Variants in ZNF665 observed in about 807,000 individuals in gnomAD.
The protein encoded by ZNF665 is zinc finger protein 665.
A neutral mutation model predicts 7.9 loss-of-function variants in ZNF665; 6 were observed. That is an observed-to-expected ratio of 0.76 (90% CI 0.42 to 1.50). The LOEUF is 1.50. ZNF665 is among the 40% of genes most tolerant of loss of function. The pLI, the probability that ZNF665 is intolerant of heterozygous loss-of-function variation, is 0.01. For synonymous variants in ZNF665, 242 were observed against 274.5 expected, an observed-to-expected ratio of 0.88 and a Z score of 1.17; for missense variants, 819 against 806.7, an observed-to-expected ratio of 1.02 and a Z score of -0.18.
intron 1 of ZNF665, 29 bp from the exon 2 acceptor site, chr19:53,182,972 T>A (rs1334006687): frequency 6.3e-7 from 1 of 1,586,548 alleles, no homozygotes; most frequent in Non-Finnish European, 8.6e-7. Flanking sequence ...GACTTTAGAA[T>A]TCAATCCTGA....
chr19:53,173,372 C>CTT (rs34425717), intron 3 of ZNF665, among the ~76,000 whole-genome samples: 1,749 of 78,878 alleles, frequency 0.022, 116 homozygotes, highest in African/African-American at 0.05. Context: ...TTTTTTCACT[C>CTT]TTTTTTTTTT....
chr19:53,187,055 A>AC (rs1395911663), intron 1 of ZNF665, among the ~76,000 whole-genome samples: 2 of 18,330 alleles, frequency 1.1e-4, no homozygotes, highest in African/African-American at 5.7e-4. Context: ...CGGGGGGCTG[A>AC]TCCCCCCACC....
chr19:53,180,837 A>AT (rs550732180), intron 2 of ZNF665: 5 of 152,224 alleles, frequency 3.3e-5, no homozygotes, highest in East Asian at 3.9e-4. Flanking sequence ...TACAGATACC[A>AT]TTTTTTTCCA....
chr19:53,166,435 AG>A, intron 3 of ZNF665, 88 bp from the exon 4 acceptor site: 3 of 1,190,790 alleles, frequency 2.5e-6, no homozygotes, highest in Non-Finnish European at 3.5e-6. Context: ...TTACACCAAA[AG>A]TAATAGTTAT....
chr19:53,189,919 C>T (rs1305872032), intron 1 of ZNF665, among the ~76,000 whole-genome samples: 5 of 152,242 alleles, frequency 3.3e-5, no homozygotes, highest in African/African-American at 1.2e-4. Context: ...CTCCGGTGGC[C>T]CTGTCCGGGC....
chr19:53,185,639 C>T (rs1291929521), intron 1 of ZNF665, among the ~76,000 whole-genome samples: 16 of 152,032 alleles, frequency 1.1e-4, no homozygotes, highest in Admixed American at 9.8e-4. Context: ...TGGGTGTGGA[C>T]AGGAACCAAG....
Position 53,165,602 on chromosome 19 carries a change from G to A in ZNF665, c.888C>T (p.Gly296=), listed in dbSNP as rs2090605557. ...GGTGTGAATTTTGAGTGAAGCACTTGCCACATTCCTTACATTTGTAAGGTT... is the reference window on the plus strand; with the variant it reads ...GGTGTGAATTTTGAGTGAAGCACTTACCACATTCCTTACATTTGTAAGGTT... ...GEKPYKCKEC[G]KCFTQNSHLA... is the part of the protein sequence containing the mutation. Residue 296 remains glycine (G), a synonymous_variant, in exon 4 of 4, where the codon GGC becomes GGT. Transcript: ENST00000396424. The A allele has an allele frequency of 6.2e-7, 1 of 1,613,834 alleles. No individual in the cohort carries two copies. The highest frequency in any genetic ancestry group is 1.3e-5 in the African/African-American group (1 of 74,936).
rs913689935 is a variant in ZNF665 at position 53,167,785 on chromosome 19, G to A, written c.143-1438C>T. 2.0e-4 allele frequency among the ~76,000 whole-genome samples: 30 copies of A among 148,504 alleles called. 1 individual carries two copies. Among genetic ancestry groups the A allele is most frequent in the African/African-American group, 6.6e-4 (27 of 40,732 alleles). ...AGAAAAGAGGAGTCTGCCGGGCGCCGGTGGCTCCCGCCTGTAATCCCAGCA... is the reference window on the plus strand; with the variant it reads ...AGAAAAGAGGAGTCTGCCGGGCGCCAGTGGCTCCCGCCTGTAATCCCAGCA... On this transcript the variant is annotated intron_variant, in intron 3 of 3. Transcript: ENST00000396424.
chr19:53,167,884 G>A (rs188258201), intron 3 of ZNF665, among the ~76,000 whole-genome samples: 2 of 148,564 alleles, frequency 1.3e-5, no homozygotes, highest in African/African-American at 2.4e-5. Context: ...ATGAAACCCC[G>A]TCTCTACTAA....
At chr19:53,177,423 C>G (rs144917428) in intron 2 of ZNF665, among the ~76,000 whole-genome samples, 7 of 151,806 alleles carry the variant, frequency 4.6e-5, no homozygotes, top group African/African-American at 1.5e-4. Context: ...CACAGTGAAA[C>G]GCTGTCTCTA....
rs2090615223 is a variant in ZNF665, at chr19:53,166,290, C to T, written c.200G>A (p.Gly67Glu). The T allele has an allele frequency of 6.2e-7, 1 of 1,609,310 alleles. No homozygotes were observed. The highest frequency in any genetic ancestry group is 8.5e-7 in the Non-Finnish European group (1 of 1,178,324). Residue 67 changes from glycine to glutamate, a missense_variant, in exon 4 of 4, where the codon GGA becomes GAA. Gly to Glu is a moderately conservative substitution (Grantham distance 98). Transcript: ENST00000396424. ...DLPPKGKNNM[G>E]EAFYTVKLER... ...CAACTTCACCGTGTAGAACGCTTCT[C>T]CCATATTGTTCTTCCCCTTTGGTGG...
chr19:53,172,567 G>A (rs1164033223), intron 3 of ZNF665, among the ~76,000 whole-genome samples: 1 of 152,118 alleles, frequency 6.6e-6, no homozygotes, highest in Non-Finnish European at 1.5e-5. Flanking sequence ...GCTCATACCT[G>A]TAATCTCAGC....
rs1568653880 is a variant in ZNF665, at chr19:53,165,741, G to C, written c.749C>G (p.Ala250Gly). ...GKVFSQPSNL[A>G]GHQRIHTGEK... ...TCCAGTATGAATTCTCTGATGACCTGCAAGGTTTGAAGGTTGACTGAAGAC... is the reference window on the plus strand; with the variant it reads ...TCCAGTATGAATTCTCTGATGACCTCCAAGGTTTGAAGGTTGACTGAAGAC... Residue 250 changes from alanine to glycine, a missense_variant, in exon 4 of 4, where the codon GCA becomes GGA. Coordinates refer to ENST00000396424, the MANE Select transcript of ZNF665 (RefSeq NM_024733.5). 6.8e-6 allele frequency: 11 copies of C among 1,614,032 alleles called. No individual in the cohort carries two copies. Among genetic ancestry groups the C allele is most frequent in the Middle Eastern group, 1.6e-4 (1 of 6,084 alleles).
Position 53,164,847 on chromosome 19 carries a change from C to T in ZNF665, c.1643G>A (p.Gly548Asp), listed in dbSNP as rs199611343. ...GTACGAATTGTGTCTGAAGACCTTG[C>T]CGCAATCATTACATTTGTATGGTTT... ...GQKPYKCNDC[G>D]KVFRHNSYLA... Residue 548 changes from glycine to aspartate, a missense_variant, in exon 4 of 4, where the codon GGC (glycine) becomes GAC (aspartate). Physicochemically the swap from Gly to Asp is moderately conservative, Grantham distance 94. Transcript: ENST00000396424. 2 of 1,614,094 alleles carry T rather than the reference C, an allele frequency of 1.2e-6. No individual in the cohort carries two copies. Among genetic ancestry groups the T allele is most frequent in the East Asian group, 2.2e-5 (1 of 44,864 alleles).
At chr19:53,180,564 C>G (rs1270694784) in intron 2 of ZNF665, 1 of 151,998 alleles carries the variant, frequency 6.6e-6, no homozygotes, top group Non-Finnish European at 1.5e-5. Context: ...GTGTATGCAT[C>G]TACATATTCA....
At chr19:53,173,372 C>CTTTTT (rs34425717) in intron 3 of ZNF665, among the ~76,000 whole-genome samples, 104 of 78,858 alleles carry the variant, frequency 1.3e-3, no homozygotes, top group African/African-American at 2.5e-3. Context: ...TTTTTTCACT[C>CTTTTT]TTTTTTTTTT....
At chr19:53,171,524 A>ATATTTTTT (rs372855271) in intron 3 of ZNF665, among the ~76,000 whole-genome samples, 15 of 69,324 alleles carry the variant, frequency 2.2e-4, no homozygotes, top group East Asian at 1.3e-3. Flanking sequence ...ATATATATAT[A>ATATTTTTT]TTTTTTTTTT....
At chr19:53,173,443 C>T (rs1345188419) in intron 3 of ZNF665, among the ~76,000 whole-genome samples, 2 of 134,516 alleles carry the variant, frequency 1.5e-5, no homozygotes, top group East Asian at 4.7e-4. Context: ...GGCACAATCT[C>T]AGCTCGCTGC....
intron 3 of ZNF665, among the ~76,000 whole-genome samples, chr19:53,171,686 G>A (rs1040108551): frequency 6.7e-6 from 1 of 149,810 alleles, no homozygotes; most frequent in Non-Finnish European, 1.5e-5. Context: ...CTGCCACCAC[G>A]CCCAGCTGAT....
Sources: gnomAD v4.1 joint callset for allele counts (sites outside exome capture counted in the v4.1 genomes callset) on GRCh38, gnomAD v4.1.1 for gene constraint, MANE v1.5 for transcripts, NCBI Gene and HGNC (gene_info 2026-07-23, HGNC 2026-07-21) for gene names.